Variants in ACSS3 observed in about 807,000 individuals in gnomAD.
The protein encoded by ACSS3 is acyl-CoA synthetase short chain family member 3.
ACSS3 carries 64 observed loss-of-function variants against 84.2 expected under a neutral mutation model. The ratio of observed to expected loss-of-function variants is 0.76; its 90% confidence interval spans 0.62 to 0.94. The LOEUF (loss-of-function observed/expected upper bound fraction) is 0.94. Ranked by LOEUF, ACSS3 falls within the 40% of genes least tolerant of loss-of-function variation. The pLI is 0.00. For synonymous variants in ACSS3, 317 were observed against 310.1 expected (o/e 1.02, Z -0.23); for missense variants, 815 against 867.6 (o/e 0.94, Z 0.76).
At chr12:81,254,117 T>G (rs4842387) in intron 15 of ACSS3, among the ~76,000 whole-genome samples, 53,273 of 151,798 alleles carry the variant, frequency 0.35, 11,091 homozygotes, top group Non-Finnish European at 0.48. Context: ...TTTATAGAGG[T>G]AGTGTTCTCA....
chr12:81,244,102 C>T (rs2033903355), intron 13 of ACSS3, among the ~76,000 whole-genome samples: 1 of 152,032 alleles, frequency 6.6e-6, no homozygotes, highest in Admixed American at 6.6e-5. Context: ...TAATTTTCCA[C>T]AATATAGCAA....
chr12:81,158,703 C>T (rs2135775995), intron 7 of ACSS3, among the ~76,000 whole-genome samples: 1 of 152,226 alleles, frequency 6.6e-6, no homozygotes, highest in East Asian at 2.0e-4. Flanking sequence ...AGGAACATTG[C>T]CTGAAATATA....
At chr12:81,231,162 T>A (rs201894844) in intron 12 of ACSS3, 24 bp downstream of exon 12, 11 of 1,531,784 alleles carry the variant, frequency 7.2e-6, no homozygotes, top group African/African-American at 5.5e-5. Flanking sequence ...TATGCTTTTT[T>A]ATCTTCTTAT....
chr12:81,179,498 A>G (rs552922802), intron 8 of ACSS3, among the ~76,000 whole-genome samples: 1 of 151,800 alleles, frequency 6.6e-6, no homozygotes, highest in East Asian at 1.9e-4. Context: ...AAACCAAACA[A>G]CCCCATTAAG....
intron 8 of ACSS3, among the ~76,000 whole-genome samples, chr12:81,182,902 A>G (rs1293120061): frequency 6.6e-6 from 1 of 152,110 alleles, no homozygotes; most frequent in Non-Finnish European, 1.5e-5. Flanking sequence ...AATGCACATC[A>G]TGCTCACTTA....
intron 11 of ACSS3, among the ~76,000 whole-genome samples, chr12:81,228,462 C>T (rs2033343154): frequency 1.3e-5 from 2 of 151,792 alleles, no homozygotes; most frequent in African/African-American, 4.8e-5. Flanking sequence ...GTCCTTAAGG[C>T]TTAGTTTTTT....
chr12:81,178,410 C>T (rs1203364252), intron 8 of ACSS3, among the ~76,000 whole-genome samples: 2 of 150,522 alleles, frequency 1.3e-5, no homozygotes, highest in Non-Finnish European at 3.0e-5. Flanking sequence ...CACATGTATA[C>T]ATATGTAACT....
chr12:81,158,230 T>A (rs1042657574), intron 7 of ACSS3, among the ~76,000 whole-genome samples: 2 of 151,972 alleles, frequency 1.3e-5, no homozygotes, highest in Admixed American at 1.3e-4. Flanking sequence ...TACAACTGCA[T>A]GTAAATCTGC....
chr12:81,111,612 G>A (rs755036253), intron 2 of ACSS3, among the ~76,000 whole-genome samples: 7 of 152,156 alleles, frequency 4.6e-5, no homozygotes, highest in Non-Finnish European at 2.9e-5. Flanking sequence ...TGGATGTGTG[G>A]ATTGGCCACT....
intron 9 of ACSS3, among the ~76,000 whole-genome samples, chr12:81,202,641 T>C (rs959996359): frequency 6.6e-6 from 1 of 152,192 alleles, no homozygotes; most frequent in African/African-American, 2.4e-5. Context: ...TTTTACATAC[T>C]TGCACACTTT....
rs553511938 is a variant in ACSS3 at position 81,259,525 on chromosome 12, C to A, written c.*4603C>A. 4.1e-4 allele frequency: 454 copies of A among 1,097,180 alleles called. 2 individuals carry two copies. The highest frequency in any genetic ancestry group is 2.6e-3 in the Middle Eastern group (13 of 4,966). 68.0% of individuals were successfully genotyped at this position (1,097,180 alleles called of 1,614,324 possible). A position where few individuals can be genotyped will look rare whatever the true frequency, so the allele number is the denominator to read the frequency against. The stretch of plus-strand genomic sequence containing the variant: ...ATCAAATGTAATATCTGACTCCCCC[C>A]AAAAATCACATTTTTCAGCTTTTAA... On this transcript the variant is annotated 3_prime_UTR_variant, in exon 16 of 16. Coordinates refer to ENST00000548058, the MANE Select transcript of ACSS3 (RefSeq NM_024560.4).
At chr12:81,119,164 T>A (rs920392224) in intron 2 of ACSS3, among the ~76,000 whole-genome samples, 2 of 152,042 alleles carry the variant, frequency 1.3e-5, no homozygotes, top group African/African-American at 4.8e-5. Context: ...AGGTTTTTAC[T>A]GAGGATTTCA....
chr12:81,135,117 A>G lies in ACSS3; in HGVS notation c.645+113A>G, dbSNP rs1885717308. ...TACTTGTTAGATCCTCCCTTCAAAT[A>G]GGATGGTTGATAAATACTTTTCCTA... On this transcript the variant is annotated intron_variant, in intron 3 of 15. Coordinates refer to ENST00000548058, the MANE Select transcript of ACSS3 (RefSeq NM_024560.4). The G allele has an allele frequency of 6.8e-6, 6 of 879,264 alleles. No homozygotes were observed. In the African/African-American group the frequency reaches 7.0e-5, roughly 10 times the overall value. The allele number at this position is 879,264 out of a possible 1,614,324, so 54.5% of individuals were successfully genotyped here.
chr12:81,101,778 C>A (rs1298050326), intron 1 of ACSS3, among the ~76,000 whole-genome samples: 1 of 151,826 alleles, frequency 6.6e-6, no homozygotes, highest in Non-Finnish European at 1.5e-5. Context: ...GTCAGAGGGG[C>A]AAATGACATC....
chr12:81,243,321 C>T (rs1195196979), intron 13 of ACSS3, among the ~76,000 whole-genome samples: 3 of 152,106 alleles, frequency 2.0e-5, no homozygotes, highest in African/African-American at 7.2e-5. Flanking sequence ...AGGACCTCTT[C>T]AAGGAGAACT....
chr12:81,181,747 C>CAAAAAAAAAAAAAAAAAAAAAAAAA lies in ACSS3; in HGVS notation c.1250+6829_1250+6830insAAAAAAAAAAAAAAAAAAAAAAAAA, dbSNP rs59878486. ...AAGCCAAAGATTTCAATCAATTAAG[C>CAAAAAAAAAAAAAAAAAAAAAAAAA]AAAAAAAAAAAAAAAAAAAAAGCAA... is the stretch of plus-strand genomic sequence containing the variant. On this transcript the variant is annotated intron_variant, in intron 8 of 15. Transcript: ENST00000548058. 4.0e-4 allele frequency among the ~76,000 whole-genome samples: 19 copies of CAAAAAAAAAAAAAAAAAAAAAAAAA among 47,912 alleles called. 2 individuals carry two copies. Among genetic ancestry groups the CAAAAAAAAAAAAAAAAAAAAAAAAA allele is most frequent in the East Asian group, 5.2e-4 (1 of 1,922 alleles). The allele number at this position is 47,912 out of a possible 152,430, so 31.4% of individuals were successfully genotyped here.
At position 81,097,971 on chromosome 12, in the gene ACSS3, A is replaced by AT. The variant is rs1882188462; in HGVS notation, c.312-11589_312-11588insT. The stretch of plus-strand genomic sequence containing the variant: ...TGTTTTGTTGTAATATTGAAGTGGA[A>AT]AAAAAAAAGAACAATTCTTGGGCAG... On this transcript the variant is annotated intron_variant, in intron 1 of 15. Transcript: ENST00000548058. 2.7e-5 allele frequency among the ~76,000 whole-genome samples: 4 copies of AT among 146,804 alleles called. No homozygotes were observed. In the South Asian group the frequency reaches 8.4e-4, roughly 31 times the overall value.
intron 8 of ACSS3, among the ~76,000 whole-genome samples, chr12:81,181,768 A>AAAAAAAAAAAG (rs1555178623): frequency 2.1e-5 from 3 of 143,606 alleles, no homozygotes; most frequent in Non-Finnish European, 3.1e-5. Flanking sequence ...AAAAAAAAAA[A>AAAAAAAAAAAG]GCAATAGAGA....
At chr12:81,248,199 A>C (rs186483763) in intron 13 of ACSS3, among the ~76,000 whole-genome samples, 1 of 152,002 alleles carries the variant, frequency 6.6e-6, no homozygotes, top group Non-Finnish European at 1.5e-5. Context: ...CAATCCCACT[A>C]CTGGGTATTT....
Sources: allele counts gnomAD v4.1 joint callset (sites outside exome capture counted in the v4.1 genomes callset), GRCh38; gene constraint gnomAD v4.1.1; transcripts MANE v1.5; gene names NCBI Gene and HGNC (gene_info 2026-07-23, HGNC 2026-07-21).